The following SYN3 variants were observed in gnomAD, a reference collection of about 807,000 sequenced individuals.
The protein encoded by SYN3 is synapsin III.
Under a neutral mutation model 65.8 loss-of-function variants are expected in SYN3, and 35 were observed. The ratio of observed to expected loss-of-function variants is 0.53; its 90% CI spans 0.41 to 0.70. SYN3 has a LOEUF of 0.70. Among genes scored for constraint, SYN3 ranks in the 30% least tolerant of loss-of-function variants. The pLI, the probability that SYN3 is intolerant of heterozygous loss-of-function variation, is 0.00. For missense variants in SYN3, 680 were observed against 749.0 expected, an observed-to-expected ratio of 0.91 and a Z score of 1.08; for synonymous variants, 270 against 292.9, an observed-to-expected ratio of 0.92 and a Z score of 0.80.
intron 6 of SYN3, among the ~76,000 whole-genome samples, chr22:32,815,167 G>C (rs531893708): frequency 2.0e-4 from 30 of 152,306 alleles, no homozygotes; most frequent in African/African-American, 6.5e-4. Context: ...CCCATTTCTA[G>C]TTTCATGAAC....
intron 6 of SYN3, among the ~76,000 whole-genome samples, chr22:32,819,220 C>A (rs1369647809): frequency 6.6e-6 from 1 of 152,242 alleles, no homozygotes. Context: ...CAGGCCGGTG[C>A]TGGGTTTCAC....
At chr22:32,632,484 T>C (rs1334698895) in intron 6 of SYN3, among the ~76,000 whole-genome samples, 1 of 152,198 alleles carries the variant, frequency 6.6e-6, no homozygotes, top group African/African-American at 2.4e-5. Context: ...TAATGGGAAG[T>C]AGCCCTTGAC....
chr22:32,509,631 C>T lies in SYN3; in HGVS notation c.*4061G>A, dbSNP rs946422020. On this transcript the variant is annotated 3_prime_UTR_variant, in exon 14 of 14. Coordinates refer to ENST00000358763, the MANE Select transcript of SYN3 (RefSeq NM_003490.4). ...TTGCCCAGGCTGGAGTGCAGTGGTG[C>T]GATCTCGGCTCACTGCAAGCTCCGC... Among the ~76,000 whole-genome samples, 13 of 151,990 alleles carry T rather than the reference C, an allele frequency of 8.6e-5. No homozygotes were observed. Among genetic ancestry groups the T allele is most frequent in the Non-Finnish European group, 1.6e-4 (11 of 67,974 alleles).
At chr22:32,715,937 C>T (rs1397715796) in intron 6 of SYN3, among the ~76,000 whole-genome samples, 1 of 152,170 alleles carries the variant, frequency 6.6e-6, no homozygotes, top group Non-Finnish European at 1.5e-5. Context: ...CTTTGATTGT[C>T]AGTGCAGAGA....
chr22:32,903,449 G>T (rs1340693924), intron 4 of SYN3, among the ~76,000 whole-genome samples: 1 of 152,126 alleles, frequency 6.6e-6, no homozygotes, highest in South Asian at 2.1e-4. Context: ...CACCACTGAC[G>T]ATCAAGTTTT....
intron 3 of SYN3, among the ~76,000 whole-genome samples, chr22:32,938,476 G>A (rs999458494): frequency 3.3e-5 from 5 of 150,548 alleles, no homozygotes; most frequent in African/African-American, 1.2e-4. Flanking sequence ...CTTGCAGTGA[G>A]CAGCAATCGC....
chr22:32,979,622 T>G (rs928232259), intron 3 of SYN3, among the ~76,000 whole-genome samples: 14 of 152,118 alleles, frequency 9.2e-5, no homozygotes, highest in African/African-American at 2.9e-4. Flanking sequence ...CCTTTGATGA[T>G]GAGGAGGAGG....
intron 6 of SYN3, among the ~76,000 whole-genome samples, chr22:32,839,153 C>T (rs1404083300): frequency 6.6e-6 from 1 of 151,940 alleles, no homozygotes; most frequent in Admixed American, 6.6e-5. Flanking sequence ...GGGCTGGAAG[C>T]TTCAGAGTGA....
intron 6 of SYN3, among the ~76,000 whole-genome samples, chr22:32,700,371 T>C (rs2060795199): frequency 6.6e-6 from 1 of 152,136 alleles, no homozygotes; most frequent in Non-Finnish European, 1.5e-5. Context: ...AGCTCCAGGA[T>C]AGGATCTCTG....
chr22:32,643,956 G>A (rs569449063), intron 6 of SYN3, among the ~76,000 whole-genome samples: 1 of 150,704 alleles, frequency 6.6e-6, no homozygotes, highest in Admixed American at 6.7e-5. Context: ...CTGGGCACCT[G>A]TAATCCCAGC....
intron 6 of SYN3, among the ~76,000 whole-genome samples, chr22:32,688,838 A>G (rs1255072760): frequency 2.0e-5 from 3 of 151,942 alleles, no homozygotes; most frequent in Non-Finnish European, 4.4e-5. Flanking sequence ...AGCAGTCCTC[A>G]GCGGGTAAAA....
In SYN3 at chr22:32,801,985, C is replaced by G. The variant is rs1283772418; in HGVS notation, c.711+62930G>C. The G allele has an allele frequency of 6.3e-7, 1 of 1,581,860 alleles. No homozygotes were observed. The highest frequency in any genetic ancestry group is 1.3e-5 in the African/African-American group (1 of 74,404). Reference sequence around the variant, plus strand: ...GAGAGGCGAGCAGCAGCCCCGGCAGCGGCGGCAGCAGCGGCAATGACCCCT... The same window carrying G: ...GAGAGGCGAGCAGCAGCCCCGGCAGGGGCGGCAGCAGCGGCAATGACCCCT... On this transcript the variant is annotated intron_variant, in intron 6 of 13. Coordinates refer to ENST00000358763, the MANE Select transcript of SYN3 (RefSeq NM_003490.4). The surrounding 1 kb of genome is among the most constrained non-coding windows in gnomAD (Gnocchi z 4.7).
intron 6 of SYN3, among the ~76,000 whole-genome samples, chr22:32,754,461 T>TA (rs77816529): frequency 0.27 from 40,246 of 151,720 alleles, 5,485 homozygotes; most frequent in Non-Finnish European, 0.29. Flanking sequence ...CTCTTTCTTT[T>TA]AAAAAAAAGG....
rs1397614699 is a variant in SYN3 at position 32,978,321 on chromosome 22, C to A, written c.369+2324G>T. ...GTGCAGTGGTACAGGGAGAGGGGCA[C>A]ATCCGGGAGCCAGAGCAGGTTTCTG... On this transcript the variant is annotated intron_variant, in intron 3 of 13. Transcript: ENST00000358763. 2.0e-5 allele frequency among the ~76,000 whole-genome samples: 3 copies of A among 152,020 alleles called. No individual in the cohort carries two copies. In the South Asian group the frequency reaches 6.2e-4, roughly 32 times the overall value.
At chr22:32,569,587 ATAAAATCT>A (rs1186777523) in intron 7 of SYN3, among the ~76,000 whole-genome samples, 1 of 108,242 alleles carries the variant, frequency 9.2e-6, no homozygotes, top group South Asian at 3.2e-4. Context: ...ATATATATAT[ATAAAATCT>A]ATCTATTTCT....
intron 6 of SYN3, among the ~76,000 whole-genome samples, chr22:32,809,729 G>A (rs572095501): frequency 1.1e-4 from 17 of 152,278 alleles, no homozygotes; most frequent in Admixed American, 3.9e-4. Context: ...AAGCAAGGAC[G>A]GTTGGTGTTT....
intron 3 of SYN3, among the ~76,000 whole-genome samples, chr22:32,940,928 T>G (rs199538130): frequency 1.3e-5 from 2 of 152,172 alleles, no homozygotes; most frequent in East Asian, 3.9e-4. Context: ...AAAATACACA[T>G]GGACACTGGT....
chr22:33,041,340 G>C (rs2053961198), intron 1 of SYN3, among the ~76,000 whole-genome samples: 1 of 148,724 alleles, frequency 6.7e-6, no homozygotes, highest in Non-Finnish European at 1.5e-5. Context: ...CGCCAGGCTG[G>C]AGTGCAGTGG....
chr22:32,856,514 C>G (rs562418714), intron 6 of SYN3, among the ~76,000 whole-genome samples: 1 of 152,190 alleles, frequency 6.6e-6, no homozygotes, highest in African/African-American at 2.4e-5. Flanking sequence ...AGACTCCTCT[C>G]CTGTGTTCCT....
Sources: allele counts gnomAD v4.1 joint callset (sites outside exome capture counted in the v4.1 genomes callset), GRCh38; gene constraint gnomAD v4.1.1; non-coding constraint Gnocchi (gnomAD v3.1); transcripts MANE v1.5; gene names NCBI Gene and HGNC (gene_info 2026-07-23, HGNC 2026-07-21).